The following DAB1 variants were observed in gnomAD, a reference collection of about 807,000 sequenced individuals.
DAB1 encodes the protein DAB adaptor protein 1.
A neutral mutation model predicts 64.6 loss-of-function variants in DAB1; 15 were observed. That is an observed-to-expected ratio of 0.23 (90% confidence interval 0.16 to 0.36). The LOEUF (loss-of-function observed/expected upper bound fraction) is 0.36. Among genes scored for constraint, DAB1 ranks in the 10% least tolerant of loss-of-function variants. The pLI, the probability that DAB1 is intolerant of heterozygous loss-of-function variation, is 1.00. For missense variants in DAB1, 596 were observed against 706.7 expected (o/e 0.84, Z 1.78); for synonymous variants, 235 against 251.9 (o/e 0.93, Z 0.64).
chr1:58,310,494 G>T (rs1662405584), intron 4 of DAB1, among the ~76,000 whole-genome samples: 1 of 152,126 alleles, frequency 6.6e-6, no homozygotes, highest in Admixed American at 6.5e-5. Flanking sequence ...TTAAAAATTT[G>T]AATTTTAGGG....
At chr1:58,011,430 A>G (rs1646667157) in intron 5 of DAB1, among the ~76,000 whole-genome samples, 1 of 152,182 alleles carries the variant, frequency 6.6e-6, no homozygotes, top group Non-Finnish European at 1.5e-5. Flanking sequence ...TGAGGTAGCC[A>G]TATTATCCTT....
Position 58,342,322 on chromosome 1 carries a change from A to G in DAB1, n.309+1030T>C, listed in dbSNP as rs371388548. On this transcript the variant is annotated intron_variant and non_coding_transcript_variant, in intron 4 of 20. Coordinates refer to the DAB1 transcript ENST00000485760. Reference sequence around the variant, plus strand: ...GGGAGATGAACTTGGAAGGGCCTATAAGACTAAAAGGTGTCCCAGTGAATT... The same window carrying G: ...GGGAGATGAACTTGGAAGGGCCTATGAGACTAAAAGGTGTCCCAGTGAATT... Among the ~76,000 whole-genome samples the G allele has an allele frequency of 3.9e-5, 6 of 152,286 alleles. No homozygotes were observed. In the East Asian group the frequency reaches 5.8e-4, roughly 15 times the overall value.
At chr1:57,103,250 G>T (rs11206973) in intron 4 of DAB1, among the ~76,000 whole-genome samples, 1 of 151,910 alleles carries the variant, frequency 6.6e-6, no homozygotes, top group Non-Finnish European at 1.5e-5. Context: ...ACTCTGGTGA[G>T]GGGGCAGACA....
At chr1:58,527,387 AAGG>A (rs1646369022) in intron 1 of DAB1, 2 of 838,408 alleles carry the variant, frequency 2.4e-6, no homozygotes, top group Non-Finnish European at 4.2e-6. Context: ...TTCACGAAAA[AAGG>A]AGTAACACAG....
intron 6 of DAB1, among the ~76,000 whole-genome samples, chr1:57,700,383 G>T (rs546523987): frequency 2.0e-5 from 3 of 152,092 alleles, no homozygotes; most frequent in African/African-American, 4.8e-5. Context: ...CCTTCACTTG[G>T]AGATAAATAC....
chr1:58,001,903 G>A (rs1646512534), intron 5 of DAB1, among the ~76,000 whole-genome samples: 1 of 152,112 alleles, frequency 6.6e-6, no homozygotes. Flanking sequence ...CTTTATAAAA[G>A]GCAAAGGAGA....
intron 5 of DAB1, among the ~76,000 whole-genome samples, chr1:58,024,857 T>G (rs1319095352): frequency 6.6e-6 from 1 of 152,172 alleles, no homozygotes; most frequent in Non-Finnish European, 1.5e-5. Context: ...CTGACTGCCT[T>G]CACCTGAGGC....
intron 3 of DAB1, among the ~76,000 whole-genome samples, chr1:58,469,183 A>G (rs1414773267): frequency 2.0e-5 from 3 of 152,344 alleles, no homozygotes; most frequent in Admixed American, 6.5e-5. Context: ...TCAGTGATCC[A>G]AGAGGCTCCA....
intron 2 of DAB1, among the ~76,000 whole-genome samples, chr1:57,279,892 C>T (rs148040980): frequency 2.0e-5 from 3 of 152,148 alleles, no homozygotes; most frequent in Non-Finnish European, 4.4e-5. Flanking sequence ...TCTAACTATA[C>T]AACATATTTT....
chr1:58,105,321 G>A (rs749386517), intron 5 of DAB1, among the ~76,000 whole-genome samples: 1 of 152,126 alleles, frequency 6.6e-6, no homozygotes, highest in African/African-American at 2.4e-5. Context: ...AACACTCATC[G>A]GCACCCATTA....
At chr1:57,965,127 T>C (rs1370259996) in intron 5 of DAB1, among the ~76,000 whole-genome samples, 1 of 150,734 alleles carries the variant, frequency 6.6e-6, no homozygotes, top group Non-Finnish European at 1.5e-5. Context: ...GAGTAGCTGG[T>C]AGGAATACAG....
chr1:58,476,652 C>T (rs1252001588), intron 3 of DAB1, among the ~76,000 whole-genome samples: 6 of 152,176 alleles, frequency 3.9e-5, no homozygotes, highest in Non-Finnish European at 7.4e-5. Flanking sequence ...TCTCTAGGCT[C>T]TCACAAAAAC....
chr1:57,700,616 C>T (rs1646895703), intron 6 of DAB1, among the ~76,000 whole-genome samples: 2 of 152,164 alleles, frequency 1.3e-5, no homozygotes, highest in African/African-American at 4.8e-5. Flanking sequence ...TTAGTATCTT[C>T]TCTTTGTCCT....
At position 58,057,668 on chromosome 1, in the gene DAB1, C is replaced by G. The variant is rs543716010; in HGVS notation, n.387+92843G>C. On this transcript the variant is annotated intron_variant and non_coding_transcript_variant, in intron 5 of 20. Coordinates refer to the DAB1 transcript ENST00000485760. ...CTTCCCTAGAATCTTCAGAGCATAG[C>G]TTTGCCGACACCTTGGTTTTGGACT... Among the ~76,000 whole-genome samples, 3 of 152,276 alleles carry G rather than the reference C, an allele frequency of 2.0e-5. No homozygotes were observed. The South Asian group carries it at 6.2e-4, about 32-fold the overall frequency.
chr1:57,019,102 C>A (rs1184268164), intron 11 of DAB1, among the ~76,000 whole-genome samples: 1 of 152,216 alleles, frequency 6.6e-6, no homozygotes, highest in East Asian at 1.9e-4. Flanking sequence ...CACTGCCTTG[C>A]AATTGCCTGG....
At position 57,011,183 on chromosome 1, in the gene DAB1, C is replaced by T; in HGVS notation, c.1534G>A (p.Gly512Ser). 1 of 1,614,014 alleles carries T rather than the reference C, an allele frequency of 6.2e-7. No homozygotes were observed. Among genetic ancestry groups the T allele is most frequent in the Non-Finnish European group, 8.5e-7 (1 of 1,179,926 alleles). ...TCGCTTTTGCTGGGACTTTCAAAGC[C>T]CTCTTCAAAGATGTCATCTGTGGTA... ...DPTTDDIFEE[G>S]FESPSKSEEQ... The change falls in exon 13 of 15, where the codon GGC (glycine) becomes AGC (serine). Residue 512 changes from glycine (G) to serine (S), a missense_variant. Physicochemically the swap from Gly to Ser is moderately conservative, Grantham distance 56. Around this residue, in one of 3 missense-constraint regions of DAB1, gnomAD observed 377 missense variants for 400.4 expected, o/e 0.94. Transcript: ENST00000371236.
chr1:57,398,544 C>A (rs187539263), intron 1 of DAB1, among the ~76,000 whole-genome samples: 1 of 152,210 alleles, frequency 6.6e-6, no homozygotes, highest in African/African-American at 2.4e-5. Flanking sequence ...TGCTGAGAGA[C>A]AGTCAGTATG....
At chr1:57,178,588 G>A (rs1158334026) in intron 2 of DAB1, among the ~76,000 whole-genome samples, 2 of 152,128 alleles carry the variant, frequency 1.3e-5, no homozygotes, top group Non-Finnish European at 2.9e-5. Flanking sequence ...GAAAAGCAAG[G>A]AAGTATTATG....
intron 3 of DAB1, among the ~76,000 whole-genome samples, chr1:58,360,244 A>G (rs1345074906): frequency 6.6e-6 from 1 of 152,176 alleles, no homozygotes; most frequent in Non-Finnish European, 1.5e-5. Flanking sequence ...GGAAGGCTGC[A>G]AGGAGGAGGC....
Sources: allele counts gnomAD v4.1 joint callset (sites outside exome capture counted in the v4.1 genomes callset), GRCh38; gene constraint gnomAD v4.1.1; regional missense constraint gnomAD v4.1.1; transcripts MANE v1.5; gene names NCBI Gene and HGNC (gene_info 2026-07-23, HGNC 2026-07-21).